DUSP13B: variants seen among roughly 807,000 people sequenced by gnomAD.
DUSP13B encodes dual specificity protein phosphatase 13B.
the DUSP13B span, chr10:75,098,004 A>C: frequency 6.8e-6 from 6 of 885,704 alleles, no homozygotes; most frequent in Admixed American, 3.2e-5. Context: ...GAAGGGCTTC[A>C]TCTATTTCAC....
chr10:75,108,028 C>A, the DUSP13B span: 8 of 1,613,404 alleles, frequency 5.0e-6, no homozygotes, highest in Non-Finnish European at 6.8e-6. Flanking sequence ...ATGAAGTCAG[C>A]CGCAGAGGAG....
the DUSP13B span, chr10:75,095,609 A>G: frequency 1.2e-6 from 2 of 1,614,160 alleles, no homozygotes; most frequent in Non-Finnish European, 1.7e-6. Flanking sequence ...GGATGTATCG[A>G]GCAACAGGCA....
the DUSP13B span, chr10:75,094,736 G>T: frequency 1.2e-6 from 2 of 1,614,196 alleles, no homozygotes; most frequent in Non-Finnish European, 1.7e-6. Context: ...GCCGGAGGAA[G>T]CCTGAGTTAG....
At chr10:75,101,972 ATTTGAG>A in the DUSP13B span, 1 of 1,366,578 alleles carries the variant, frequency 7.3e-7, no homozygotes, top group South Asian at 1.1e-5. Context: ...CTATTTTTTG[ATTTGAG>A]TTTAATTATA....
chr10:75,105,280 C>CA, the DUSP13B span, among the ~76,000 whole-genome samples: 1 of 152,170 alleles, frequency 6.6e-6, no homozygotes, highest in Non-Finnish European at 1.5e-5. Context: ...GGGGAGCCCC[C>CA]ACAGGCTTTC....
the DUSP13B span, chr10:75,094,871 C>T: frequency 1.9e-6 from 3 of 1,614,022 alleles, no homozygotes; most frequent in Non-Finnish European, 1.7e-6. Flanking sequence ...AGTGTACCAG[C>T]ACGCGGCCTG....
At chr10:75,105,077 A>C in the DUSP13B span, among the ~76,000 whole-genome samples, 1 of 152,130 alleles carries the variant, frequency 6.6e-6, no homozygotes, top group Non-Finnish European at 1.5e-5. Flanking sequence ...GTTGTAGAGG[A>C]AGCAGAGGTG....
chr10:75,095,895 C>T, the DUSP13B span: 1 of 1,127,772 alleles, frequency 8.9e-7, no homozygotes, highest in Non-Finnish European at 1.3e-6. Flanking sequence ...CCACCACCCA[C>T]CAAGGGTAGA....
chr10:75,100,613 G>C, the DUSP13B span, among the ~76,000 whole-genome samples: 1 of 152,128 alleles, frequency 6.6e-6, no homozygotes, highest in Admixed American at 6.5e-5. Flanking sequence ...GGGCCCGGCC[G>C]AGCTCCCCTC....
At chr10:75,104,626 T>G in the DUSP13B span, among the ~76,000 whole-genome samples, 3 of 152,140 alleles carry the variant, frequency 2.0e-5, no homozygotes, top group African/African-American at 7.2e-5. Context: ...TGCCATTCCA[T>G]GGGAAACATG....
the DUSP13B span, among the ~76,000 whole-genome samples, chr10:75,103,605 T>A: frequency 6.6e-6 from 1 of 152,178 alleles, no homozygotes; most frequent in African/African-American, 2.4e-5. Flanking sequence ...CACACATACC[T>A]TGATACTACT....
the DUSP13B span, among the ~76,000 whole-genome samples, chr10:75,104,744 C>G: frequency 6.6e-6 from 1 of 152,136 alleles, no homozygotes. Context: ...CCCCCAAACT[C>G]TAAACTTAGC....
the DUSP13B span, among the ~76,000 whole-genome samples, chr10:75,106,795 T>A: frequency 6.6e-6 from 1 of 152,224 alleles, no homozygotes; most frequent in African/African-American, 2.4e-5. Flanking sequence ...AGCTGGTGAA[T>A]GAATGGATAA....
chr10:75,099,896 C>G, the DUSP13B span, among the ~76,000 whole-genome samples: 2 of 152,038 alleles, frequency 1.3e-5, no homozygotes, highest in African/African-American at 2.4e-5. Context: ...GGGTCTGACC[C>G]GAGAATGAGA....
chr10:75,108,489 C>T, the DUSP13B span, among the ~76,000 whole-genome samples: 335 of 152,292 alleles, frequency 2.2e-3, 1 homozygote, highest in African/African-American at 7.7e-3. Context: ...GAAGGGATTG[C>T]TTCAGCCCTG....
the DUSP13B span, among the ~76,000 whole-genome samples, chr10:75,096,909 CACATAACA>C: frequency 4.2e-3 from 641 of 152,252 alleles, 7 homozygotes; most frequent in African/African-American, 0.015. Flanking sequence ...ACTTCAGGTA[CACATAACA>C]ATGTGGGTGA....
the DUSP13B span, chr10:75,108,254 A>G: frequency 6.5e-7 from 1 of 1,549,788 alleles, no homozygotes; most frequent in Non-Finnish European, 8.7e-7. Context: ...AAGCCATGGG[A>G]CCAGGAGGGA....
At chr10:75,105,924 C>G in the DUSP13B span, 4 of 1,506,356 alleles carry the variant, frequency 2.7e-6, no homozygotes, top group South Asian at 4.9e-5. Flanking sequence ...CACCCACGGG[C>G]TGGGATGGGG....
chr10:75,108,254 A>T, the DUSP13B span: 2 of 1,549,788 alleles, frequency 1.3e-6, no homozygotes, highest in Non-Finnish European at 1.7e-6. Context: ...AAGCCATGGG[A>T]CCAGGAGGGA....
Sources: allele counts gnomAD v4.1 joint callset (sites outside exome capture counted in the v4.1 genomes callset), GRCh38; gene constraint gnomAD v4.1.1; transcripts MANE v1.5; gene names NCBI Gene and HGNC (gene_info 2026-07-23, HGNC 2026-07-21).